Variants in AXIN1 observed in about 807,000 individuals in gnomAD.
The protein encoded by AXIN1 is axin 1.
In AXIN1, 30 loss-of-function variants were observed where a neutral mutation model predicts 76.4. The observed-to-expected ratio is 0.39, with a 90% confidence interval of 0.29 to 0.53. The LOEUF is 0.53. Among genes scored for constraint, AXIN1 ranks in the 20% least tolerant of loss-of-function variants. AXIN1 has a pLI of 0.66. For synonymous variants in AXIN1, 545 were observed against 501.4 expected (o/e 1.09, Z -1.16); for missense variants, 1,140 against 1,198.8 (o/e 0.95, Z 0.72).
chr16:301,384 T>G (rs1334869247), intron 5 of AXIN1, among the ~76,000 whole-genome samples: 1 of 151,578 alleles, frequency 6.6e-6, no homozygotes, highest in African/African-American at 2.4e-5. Flanking sequence ...CTGTGGGCAC[T>G]GCCATGCTCC....
rs2052489876 is a variant in AXIN1 at position 289,467 on chromosome 16, T to A, written c.2435A>T (p.Glu812Val). Residue 812 changes from glutamate to valine, a missense_variant, in exon 10 of 11, where the codon GAG (glutamate) becomes GTG (valine). Physicochemically the swap from Glu to Val is moderately radical, Grantham distance 121. Around this residue, in one of 3 missense-constraint regions of AXIN1, gnomAD observed 429 missense variants for 405.8 expected, o/e 1.06. Coordinates refer to ENST00000262320, the MANE Select transcript of AXIN1 (RefSeq NM_003502.4). ...GTAGCTGCCCTTTTTGGTCAGCAGC[T>A]CCTTGAACTGGCCCAGGGTGACAGC... The part of the protein sequence containing the change: ...GRAVTLGQFK[E>V]LLTKKGSYRY... The A allele has an allele frequency of 6.2e-7, 1 of 1,612,800 alleles. No homozygotes were observed.
chr16:342,729 G>A (rs1164345021), intron 2 of AXIN1, among the ~76,000 whole-genome samples: 1 of 152,364 alleles, frequency 6.6e-6, no homozygotes, highest in East Asian at 1.9e-4. Context: ...GCTGCGGGAA[G>A]CATCTGTAAA....
In AXIN1 at chr16:345,125, G is replaced by A. The variant is rs141442214; in HGVS notation, c.878+1023C>T. 3.8e-4 allele frequency among the ~76,000 whole-genome samples: 58 copies of A among 152,200 alleles called. 1 individual carries two copies. The highest frequency in any genetic ancestry group is 1.3e-3 in the African/African-American group (53 of 41,502). On this transcript the variant is annotated intron_variant, in intron 2 of 10. Transcript: ENST00000262320. ...AGCCAAATAAACCTCCAGGAACCACGCAGGGATCACAGGGAAGGAAGAACG... is the reference window on the plus strand; with the variant it reads ...AGCCAAATAAACCTCCAGGAACCACACAGGGATCACAGGGAAGGAAGAACG...
chr16:342,606 A>G (rs2053951715), intron 2 of AXIN1, among the ~76,000 whole-genome samples: 1 of 152,202 alleles, frequency 6.6e-6, no homozygotes, highest in Non-Finnish European at 1.5e-5. Context: ...ACTTTCCTTC[A>G]GGAGTGACCC....
chr16:326,731 G>A (rs1309622850), intron 2 of AXIN1, among the ~76,000 whole-genome samples: 1 of 146,902 alleles, frequency 6.8e-6, no homozygotes, highest in Admixed American at 6.7e-5. Flanking sequence ...GTGACAGAGT[G>A]GGATCAAAAA....
At chr16:295,980 C>T (rs548203943) in intron 7 of AXIN1, among the ~76,000 whole-genome samples, 50 of 152,168 alleles carry the variant, frequency 3.3e-4, no homozygotes, top group African/African-American at 9.6e-4. Context: ...AAAAAAGACT[C>T]GAAGGCCAGG....
intron 2 of AXIN1, among the ~76,000 whole-genome samples, chr16:337,716 G>T (rs2053835552): frequency 6.6e-6 from 1 of 152,218 alleles, no homozygotes; most frequent in South Asian, 2.1e-4. Context: ...GGATCACAAA[G>T]GAAGCCCGTG....
At chr16:344,650 A>T (rs1368885661) in intron 2 of AXIN1, among the ~76,000 whole-genome samples, 1 of 151,672 alleles carries the variant, frequency 6.6e-6, no homozygotes, top group Non-Finnish European at 1.5e-5. Context: ...CAACTCGCCT[A>T]TCTAATTTTT....
Position 308,184 on chromosome 16 carries a change from G to A in AXIN1, c.1116+1789C>T, listed in dbSNP as rs142438528. Reference sequence around the variant, plus strand: ...CTCTGTTGGCTTTCATCTTCCTGGCGACTCAAATGTGACCCTCCAGGACCT... The same window carrying A: ...CTCTGTTGGCTTTCATCTTCCTGGCAACTCAAATGTGACCCTCCAGGACCT... On this transcript the variant is annotated intron_variant, in intron 4 of 10. Coordinates refer to ENST00000262320, the MANE Select transcript of AXIN1 (RefSeq NM_003502.4). Among the ~76,000 whole-genome samples, 236 of 152,294 alleles carry A rather than the reference G, an allele frequency of 1.5e-3. 1 individual carries two copies. The highest frequency in any genetic ancestry group is 5.3e-3 in the African/African-American group (220 of 41,566).
chr16:323,625 C>CAA (rs11452905), intron 2 of AXIN1, among the ~76,000 whole-genome samples: 1 of 151,338 alleles, frequency 6.6e-6, no homozygotes, highest in Non-Finnish European at 1.5e-5. Flanking sequence ...ACCAAAAATA[C>CAA]AAAAAATTAG....
intron 2 of AXIN1, among the ~76,000 whole-genome samples, chr16:339,510 CAAAAA>C (rs35043577): frequency 1.5e-5 from 1 of 67,574 alleles, no homozygotes; most frequent in Non-Finnish European, 2.9e-5. Context: ...GACTCCATCT[CAAAAA>C]AAAAAAAAAA....
chr16:328,006 T>C (rs547012751), intron 2 of AXIN1, among the ~76,000 whole-genome samples: 4 of 152,280 alleles, frequency 2.6e-5, no homozygotes, highest in South Asian at 4.1e-4. Flanking sequence ...CCGAGCACTG[T>C]AGGAGGCTGA....
At chr16:297,000 G>C (rs2141501270) in intron 7 of AXIN1, 56 bp downstream of exon 7, 1 of 1,587,454 alleles carries the variant, frequency 6.3e-7, no homozygotes, top group Non-Finnish European at 8.6e-7. Flanking sequence ...AGACTGTGCG[G>C]AGGCCAGGGG....
chr16:305,541 G>T (rs116236276), intron 4 of AXIN1, among the ~76,000 whole-genome samples: 3,931 of 151,578 alleles, frequency 0.026, 110 homozygotes, highest in African/African-American at 0.078. Flanking sequence ...TTTGTTTTTG[G>T]TTTTTTTTGT....
chr16:308,179 C>T (rs1240063070), intron 4 of AXIN1, among the ~76,000 whole-genome samples: 4 of 152,226 alleles, frequency 2.6e-5, no homozygotes, highest in Non-Finnish European at 4.4e-5. Context: ...TTTCATCTTC[C>T]TGGCGACTCA....
chr16:305,669 G>A lies in AXIN1; in HGVS notation c.1117-1228C>T, dbSNP rs551244208. 5.0e-3 allele frequency among the ~76,000 whole-genome samples: 753 copies of A among 151,808 alleles called. 1 individual carries two copies. Among genetic ancestry groups the A allele is most frequent in the Non-Finnish European group, 9.0e-3 (613 of 67,930 alleles). ...CGCCATTCTCCTGCCTCAGCCTCCC[G>A]AGTAGCTGGGACTACAGGCGCCTGC... On this transcript the variant is annotated intron_variant, in intron 4 of 10. Coordinates refer to ENST00000262320, the MANE Select transcript of AXIN1 (RefSeq NM_003502.4).
chr16:328,844 C>A (rs549254765), intron 2 of AXIN1, among the ~76,000 whole-genome samples: 537 of 152,288 alleles, frequency 3.5e-3, no homozygotes, highest in Non-Finnish European at 5.3e-3. Context: ...ACCCTGTCCT[C>A]TCTGCACAGT....
rs1228031089 is a variant in AXIN1 at position 287,782 on chromosome 16, G to C, written c.*340C>G. 2.2e-6 allele frequency: 1 copy of C among 452,684 alleles called. No homozygotes were observed. Among genetic ancestry groups the C allele is most frequent in the Non-Finnish European group, 4.1e-6 (1 of 243,058 alleles). 28.0% of individuals were successfully genotyped at this position (452,684 alleles called of 1,614,324 possible). ...CTGGGTACGTGGGCAAATCCCAGAG[G>C]GAAAGTAGATCCCAGCACACGTGCC... is the stretch of plus-strand genomic sequence containing the variant. On this transcript the variant is annotated 3_prime_UTR_variant, in exon 11 of 11. Coordinates refer to ENST00000262320, the MANE Select transcript of AXIN1 (RefSeq NM_003502.4).
chr16:288,412 T>A, intron 10 of AXIN1, 164 bp from the exon 11 acceptor site: 1 of 1,028,172 alleles, frequency 9.7e-7, no homozygotes, highest in East Asian at 2.6e-5. Flanking sequence ...CAGTGAACAG[T>A]GCAATGACCA....
Sources: gnomAD v4.1 joint callset for allele counts (sites outside exome capture counted in the v4.1 genomes callset) on GRCh38, gnomAD v4.1.1 for gene constraint, gnomAD v4.1.1 regional missense constraint, MANE v1.5 for transcripts, NCBI Gene and HGNC (gene_info 2026-07-23, HGNC 2026-07-21) for gene names.